Variants in ADAMTSL3 observed in about 807,000 individuals in gnomAD.
ADAMTSL3 encodes the protein ADAMTS like 3.
In ADAMTSL3, 128 loss-of-function variants were observed where a neutral mutation model predicts 201.7. That is an observed-to-expected ratio of 0.63 (90% CI 0.55 to 0.73). ADAMTSL3 has a LOEUF of 0.73. ADAMTSL3 is among the 30% of genes least tolerant of loss of function. The probability of loss-of-function intolerance (pLI) is 0.00; values close to 1 mark genes in which losing one functional copy is unlikely to be tolerated. For synonymous variants in ADAMTSL3, 738 were observed against 748.4 expected (o/e 0.99, Z 0.23); for missense variants, 1,990 against 2,119.6 (o/e 0.94, Z 1.20).
chr15:83,923,785 G>T, intron 16 of ADAMTSL3, 119 bp from the exon 17 acceptor site: 1 of 1,220,124 alleles, frequency 8.2e-7, no homozygotes, highest in Non-Finnish European at 1.1e-6. Context: ...GCAGCCTGCA[G>T]CCCTATGATA....
intron 2 of ADAMTSL3, among the ~76,000 whole-genome samples, chr15:83,667,144 A>G (rs2141376046): frequency 6.6e-6 from 1 of 152,228 alleles, no homozygotes; most frequent in African/African-American, 2.4e-5. Flanking sequence ...ATGGATATCT[A>G]TATTATCACC....
intron 17 of ADAMTSL3, among the ~76,000 whole-genome samples, chr15:83,929,970 A>G (rs932228877): frequency 4.6e-5 from 7 of 152,158 alleles, no homozygotes; most frequent in African/African-American, 1.7e-4. Flanking sequence ...AAAAGTAATC[A>G]TTGGCTCACT....
At chr15:83,892,540 A>AG (rs1464517880) in intron 12 of ADAMTSL3, 144 bp from the exon 13 acceptor site, 3 of 773,990 alleles carry the variant, frequency 3.9e-6, no homozygotes. Flanking sequence ...AACAAAAAAA[A>AG]GTATAAAGTC....
chr15:83,902,965 A>T (rs933483940), intron 15 of ADAMTSL3, among the ~76,000 whole-genome samples: 2 of 152,106 alleles, frequency 1.3e-5, no homozygotes, highest in African/African-American at 4.8e-5. Flanking sequence ...ACCCAGGGCC[A>T]CCCTTGTTTC....
chr15:83,701,577 G>C (rs2141493255), intron 2 of ADAMTSL3, among the ~76,000 whole-genome samples: 1 of 152,228 alleles, frequency 6.6e-6, no homozygotes, highest in East Asian at 1.9e-4. Flanking sequence ...TTTGAATCAT[G>C]GGGGAGGTAT....
intron 7 of ADAMTSL3, among the ~76,000 whole-genome samples, chr15:83,856,778 A>G (rs2064744523): frequency 2.0e-5 from 3 of 152,286 alleles, no homozygotes; most frequent in Non-Finnish European, 4.4e-5. Flanking sequence ...TCATCAATGT[A>G]CCAATGTCTG....
Position 83,936,320 on chromosome 15 carries a change from T to C in ADAMTSL3, c.2118-6276T>C, listed in dbSNP as rs532389719. Among the ~76,000 whole-genome samples the C allele has an allele frequency of 6.2e-4, 93 of 150,654 alleles. No homozygotes were observed. The South Asian group carries it at 0.016, about 27-fold the overall frequency. On this transcript the variant is annotated intron_variant, in intron 17 of 29. Coordinates refer to ENST00000286744, the MANE Select transcript of ADAMTSL3 (RefSeq NM_207517.3). Reference sequence around the variant, plus strand: ...TAAGGGTAAACCTAAAAATAAAATATAACAGAGGGGAAAACAGAATAAAAA... The same window carrying C: ...TAAGGGTAAACCTAAAAATAAAATACAACAGAGGGGAAAACAGAATAAAAA...
intron 25 of ADAMTSL3, 22 bp from the exon 26 acceptor site, chr15:84,021,388 A>G: frequency 6.2e-7 from 1 of 1,613,116 alleles, no homozygotes; most frequent in Admixed American, 1.7e-5. Context: ...GGCTGGCATG[A>G]TATTTTGTTT....
chr15:83,695,960 AC>A (rs2061683476), intron 2 of ADAMTSL3, among the ~76,000 whole-genome samples: 1 of 152,146 alleles, frequency 6.6e-6, no homozygotes, highest in Non-Finnish European at 1.5e-5. Flanking sequence ...GAGTTTAAGT[AC>A]TGCTGGTTAA....
At chr15:83,799,542 C>T (rs897246645) in intron 4 of ADAMTSL3, among the ~76,000 whole-genome samples, 1 of 152,080 alleles carries the variant, frequency 6.6e-6, no homozygotes, top group Non-Finnish European at 1.5e-5. Flanking sequence ...AAAACACATA[C>T]TTCTCAGGCT....
chr15:83,912,462 A>G (rs1373125504), intron 15 of ADAMTSL3, among the ~76,000 whole-genome samples: 1 of 152,222 alleles, frequency 6.6e-6, no homozygotes, highest in African/African-American at 2.4e-5. Context: ...TCATAGTTTG[A>G]TGACCTTTGA....
At chr15:83,873,272 C>T (rs1273654319) in intron 9 of ADAMTSL3, among the ~76,000 whole-genome samples, 3 of 144,910 alleles carry the variant, frequency 2.1e-5, no homozygotes, top group Non-Finnish European at 4.5e-5. Flanking sequence ...CCACTGCATT[C>T]CAGCCTGGGC....
At chr15:83,840,013 A>G (rs1031499979) in intron 7 of ADAMTSL3, among the ~76,000 whole-genome samples, 1 of 152,138 alleles carries the variant, frequency 6.6e-6, no homozygotes, top group African/African-American at 2.4e-5. Flanking sequence ...CATGGCTGAT[A>G]GCAAAACCCC....
At chr15:83,681,761 A>G (rs1015862550) in intron 2 of ADAMTSL3, among the ~76,000 whole-genome samples, 2 of 152,166 alleles carry the variant, frequency 1.3e-5, no homozygotes, top group African/African-American at 2.4e-5. Flanking sequence ...TGGTAAGAGA[A>G]AGAGAGAGAC....
intron 23 of ADAMTSL3, among the ~76,000 whole-genome samples, chr15:84,000,158 C>G (rs1052777480): frequency 6.6e-6 from 1 of 151,870 alleles, no homozygotes; most frequent in Non-Finnish European, 1.5e-5. Flanking sequence ...AGATTATCTG[C>G]TTGCTCTTGT....
intron 3 of ADAMTSL3, among the ~76,000 whole-genome samples, chr15:83,713,491 A>G (rs2061959874): frequency 6.6e-5 from 10 of 152,174 alleles, no homozygotes; most frequent in Admixed American, 6.5e-4. Flanking sequence ...GAGTAATGGC[A>G]GGTGGAGGAC....
intron 15 of ADAMTSL3, among the ~76,000 whole-genome samples, chr15:83,903,970 A>G (rs1567226226): frequency 5.6e-4 from 65 of 116,026 alleles, no homozygotes; most frequent in East Asian, 2.6e-3. Context: ...GAAAGAAAGA[A>G]AAGGAGCTAC....
intron 27 of ADAMTSL3, among the ~76,000 whole-genome samples, chr15:84,029,345 G>A (rs541596900): frequency 6.6e-6 from 1 of 152,276 alleles, no homozygotes; most frequent in South Asian, 2.1e-4. Flanking sequence ...AACTTCTTGG[G>A]AACTAGAGCA....
chr15:83,793,539 C>T (rs550597773), intron 4 of ADAMTSL3, among the ~76,000 whole-genome samples: 3 of 152,020 alleles, frequency 2.0e-5, no homozygotes, highest in East Asian at 3.9e-4. Flanking sequence ...TGCAGTGGTG[C>T]GATCTCTGCT....
Sources: allele counts gnomAD v4.1 joint callset (sites outside exome capture counted in the v4.1 genomes callset), GRCh38; gene constraint gnomAD v4.1.1; transcripts MANE v1.5; gene names NCBI Gene and HGNC (gene_info 2026-07-23, HGNC 2026-07-21).